RIN2: variants seen among roughly 807,000 people sequenced by gnomAD.
RIN2 encodes the protein RAB5 interacting protein 2.
Under a neutral mutation model 78.0 loss-of-function variants are expected in RIN2, and 36 were observed. The observed-to-expected ratio is 0.46, with a 90% confidence interval of 0.35 to 0.61. The LOEUF (loss-of-function observed/expected upper bound fraction) is 0.61. Among genes scored for constraint, RIN2 ranks in the 20% least tolerant of loss-of-function variants. The probability of loss-of-function intolerance (pLI) is 0.00; values close to 1 mark genes in which losing one functional copy is unlikely to be tolerated. For synonymous variants in RIN2, 466 were observed against 466.8 expected (o/e 1.00, Z 0.02); for missense variants, 1,087 against 1,159.7 (o/e 0.94, Z 0.91).
chr20:19,880,183 G>A (rs924618136), intron 2 of RIN2, among the ~76,000 whole-genome samples: 9 of 151,296 alleles, frequency 5.9e-5, no homozygotes, highest in Non-Finnish European at 1.3e-4. Context: ...CCAGGAAGGT[G>A]GAGATTGCAG....
At chr20:19,786,949 TGATAG>T (rs765507633) in intron 1 of RIN2, among the ~76,000 whole-genome samples, 1 of 152,192 alleles carries the variant, frequency 6.6e-6, no homozygotes, top group African/African-American at 2.4e-5. Flanking sequence ...TGAAAGTAAA[TGATAG>T]GATAGGTTAC....
At chr20:19,862,365 G>A (rs1426695049) in intron 2 of RIN2, among the ~76,000 whole-genome samples, 2 of 152,186 alleles carry the variant, frequency 1.3e-5, no homozygotes, top group Non-Finnish European at 2.9e-5. Flanking sequence ...GCCGAGGCGG[G>A]TGGATTGCCT....
At chr20:19,797,350 T>A (rs2035089627) in intron 1 of RIN2, among the ~76,000 whole-genome samples, 1 of 152,226 alleles carries the variant, frequency 6.6e-6, no homozygotes, top group African/African-American at 2.4e-5. Flanking sequence ...ATTAATTGAG[T>A]TACTTTTAAT....
rs1438592923 is a variant in RIN2 at position 19,956,675 on chromosome 20, G to A, written c.219G>A (p.Arg73=). The A allele has an allele frequency of 1.2e-6, 2 of 1,613,142 alleles. No homozygotes were observed. Among genetic ancestry groups the A allele is most frequent in the Admixed American group, 3.3e-5 (2 of 59,904 alleles). The part of the protein sequence containing the change: ...SEEEDVKTCA[R]DSGYDSLSNR... ...AAGAGGACGTGAAGACCTGTGCCCG[G>A]GACTCAGGCTATGACAGCCTCTCCA... Residue 73 remains arginine, a synonymous_variant, in exon 5 of 13, where the codon CGG becomes CGA. Coordinates refer to ENST00000255006, the MANE Select transcript of RIN2 (RefSeq NM_018993.4).
At chr20:19,934,324 G>A (rs1171434292) in intron 3 of RIN2, among the ~76,000 whole-genome samples, 2 of 152,198 alleles carry the variant, frequency 1.3e-5, no homozygotes, top group East Asian at 3.8e-4. Context: ...CTTGAGAACA[G>A]CCACTGTACA....
intron 2 of RIN2, among the ~76,000 whole-genome samples, chr20:19,813,595 AAC>A (rs11468983): frequency 0.15 from 22,136 of 149,770 alleles, 1,818 homozygotes; most frequent in South Asian, 0.23. Flanking sequence ...AATGAAGTAA[AAC>A]ACAATAAAAA....
At chr20:19,962,872 G>A (rs998519405) in intron 6 of RIN2, among the ~76,000 whole-genome samples, 17 of 152,210 alleles carry the variant, frequency 1.1e-4, no homozygotes, top group Non-Finnish European at 1.9e-4. Context: ...CAGGAGAATC[G>A]CTTGAACCCG....
At chr20:19,925,335 G>A (rs1021473332) in intron 3 of RIN2, among the ~76,000 whole-genome samples, 1 of 152,168 alleles carries the variant, frequency 6.6e-6, no homozygotes, top group African/African-American at 2.4e-5. Context: ...AGGCAAAGCT[G>A]TATATACTGT....
intron 2 of RIN2, among the ~76,000 whole-genome samples, chr20:19,837,207 CACACAG>C (rs1241244355): frequency 1.4e-5 from 2 of 140,618 alleles, no homozygotes; most frequent in Non-Finnish European, 3.1e-5. Flanking sequence ...CACACACACA[CACACAG>C]AGTGAATTAC....
chr20:19,900,945 CAAAAAAAAA>C (rs869239642), intron 3 of RIN2, among the ~76,000 whole-genome samples: 2 of 29,572 alleles, frequency 6.8e-5, no homozygotes, highest in Non-Finnish European at 8.4e-5. Context: ...AGCTCTGTCT[CAAAAAAAAA>C]AAAAAAAAAA....
intron 1 of RIN2, among the ~76,000 whole-genome samples, chr20:19,781,579 C>T (rs2034506742): frequency 6.6e-6 from 1 of 152,140 alleles, no homozygotes; most frequent in Non-Finnish European, 1.5e-5. Flanking sequence ...AGGCACCCAC[C>T]ACCACAGCTG....
chr20:19,877,742 G>A (rs1289081928), intron 2 of RIN2, among the ~76,000 whole-genome samples: 1 of 152,110 alleles, frequency 6.6e-6, no homozygotes, highest in Non-Finnish European at 1.5e-5. Flanking sequence ...GGTGGGGCTG[G>A]GCACAGTGGT....
At chr20:19,964,322 C>G (rs539552553) in intron 6 of RIN2, among the ~76,000 whole-genome samples, 1 of 151,832 alleles carries the variant, frequency 6.6e-6, no homozygotes, top group African/African-American at 2.4e-5. Flanking sequence ...AATGCCCAGA[C>G]TGGTCTCAAA....
intron 2 of RIN2, chr20:19,824,015 G>T (rs943007061): frequency 1.1e-6 from 1 of 935,254 alleles, no homozygotes; most frequent in South Asian, 1.6e-5. Context: ...GGCCTCCTCC[G>T]AGCCGAAAGC....
intron 4 of RIN2, among the ~76,000 whole-genome samples, chr20:19,946,325 G>A (rs1410372076): frequency 2.6e-5 from 4 of 152,162 alleles, no homozygotes; most frequent in Non-Finnish European, 1.5e-5. Context: ...AGTTTGACAG[G>A]TAGGTAGGTA....
chr20:19,768,152 A>G (rs1377543772), intron 1 of RIN2, among the ~76,000 whole-genome samples: 2 of 152,136 alleles, frequency 1.3e-5, no homozygotes, highest in African/African-American at 2.4e-5. Context: ...GTCTCTCCCT[A>G]TGTTTTGATC....
chr20:19,863,741 A>G lies in RIN2; in HGVS notation c.-36-25825A>G, dbSNP rs79064377. 8.7e-3 allele frequency among the ~76,000 whole-genome samples: 1,318 copies of G among 152,312 alleles called. 14 individuals carry two copies. The highest frequency in any genetic ancestry group is 0.03 in the African/African-American group (1,261 of 41,560). ...CTGGGAGAAGGCAAACTTTGACAGT[A>G]TGTAAAGTGCTTAGCTCATTCCTTG... On this transcript the variant is annotated intron_variant, in intron 2 of 12. Coordinates refer to ENST00000255006, the MANE Select transcript of RIN2 (RefSeq NM_018993.4).
chr20:19,871,677 G>A (rs1018283654), intron 2 of RIN2, among the ~76,000 whole-genome samples: 7 of 152,192 alleles, frequency 4.6e-5, no homozygotes, highest in African/African-American at 1.7e-4. Flanking sequence ...ATAGATCAGT[G>A]CTAGTGAGGA....
intron 3 of RIN2, among the ~76,000 whole-genome samples, chr20:19,891,301 ACC>A (rs1313549898): frequency 6.6e-6 from 1 of 152,188 alleles, no homozygotes; most frequent in Non-Finnish European, 1.5e-5. Context: ...AGCTAAGCCC[ACC>A]AGGTTGCCCA....
Sources: allele counts gnomAD v4.1 joint callset (sites outside exome capture counted in the v4.1 genomes callset), GRCh38; gene constraint gnomAD v4.1.1; transcripts MANE v1.5; gene names NCBI Gene and HGNC (gene_info 2026-07-23, HGNC 2026-07-21).